SLC24A3: variants seen among roughly 807,000 people sequenced by gnomAD.
SLC24A3 encodes the protein sodium/potassium/calcium exchanger 3.
In SLC24A3, 28 loss-of-function variants were observed where a neutral mutation model predicts 75.8. The observed-to-expected ratio is 0.37, with a 90% confidence interval of 0.27 to 0.51. The LOEUF (loss-of-function observed/expected upper bound fraction) is 0.51. Ranked by LOEUF, SLC24A3 falls within the 20% of genes least tolerant of loss-of-function variation. SLC24A3 has a pLI of 0.94. For missense variants in SLC24A3, 663 were observed against 847.8 expected (o/e 0.78, Z 2.71); for synonymous variants, 372 against 334.1 (o/e 1.11, Z -1.24).
At chr20:19,273,445 C>A (rs1474013449) in intron 1 of SLC24A3, among the ~76,000 whole-genome samples, 2 of 152,192 alleles carry the variant, frequency 1.3e-5, no homozygotes, top group Non-Finnish European at 2.9e-5. Flanking sequence ...ATCAGGACTT[C>A]TGCTTTCTCT....
chr20:19,709,813 T>A (rs1445454814), intron 15 of SLC24A3, among the ~76,000 whole-genome samples: 2 of 152,164 alleles, frequency 1.3e-5, no homozygotes, highest in East Asian at 3.9e-4. Context: ...ACTAAGTGGT[T>A]TAACCTCTCT....
chr20:19,592,294 C>T (rs1476519965), intron 6 of SLC24A3, among the ~76,000 whole-genome samples: 1 of 152,160 alleles, frequency 6.6e-6, no homozygotes, highest in African/African-American at 2.4e-5. Flanking sequence ...ATTTGTTAGT[C>T]AGGGGTTTTG....
At chr20:19,293,955 C>T (rs1488614486) in intron 2 of SLC24A3, among the ~76,000 whole-genome samples, 5 of 152,106 alleles carry the variant, frequency 3.3e-5, no homozygotes, top group African/African-American at 4.8e-5. Flanking sequence ...ATGCATGGGT[C>T]CTCAAGTCCC....
At chr20:19,518,030 A>G (rs554963433) in intron 3 of SLC24A3, among the ~76,000 whole-genome samples, 1 of 152,216 alleles carries the variant, frequency 6.6e-6, no homozygotes, top group African/African-American at 2.4e-5. Flanking sequence ...GAATGCCTGG[A>G]GTTGGACAGT....
chr20:19,347,772 T>G (rs1985461001), intron 2 of SLC24A3, among the ~76,000 whole-genome samples: 1 of 152,184 alleles, frequency 6.6e-6, no homozygotes, highest in Non-Finnish European at 1.5e-5. Context: ...GGCTGGTCAC[T>G]CTGTGTTTGA....
rs1985155284 is a variant in SLC24A3 at position 19,337,191 on chromosome 20, T to C, written c.271+56104T>C. Among the ~76,000 whole-genome samples, 3 of 152,204 alleles carry C rather than the reference T, an allele frequency of 2.0e-5. No individual in the cohort carries two copies. In the South Asian group the frequency reaches 6.2e-4, roughly 31 times the overall value. On this transcript the variant is annotated intron_variant, in intron 2 of 16. Coordinates refer to ENST00000328041, the MANE Select transcript of SLC24A3 (RefSeq NM_020689.4). The stretch of plus-strand genomic sequence containing the variant: ...CGAGCGCAGTGGCTCACGCCTGTAA[T>C]CCCAGCACTTTGGGAGGCTGAGGCG...
chr20:19,522,234 A>G (rs592780), intron 3 of SLC24A3, among the ~76,000 whole-genome samples: 22,897 of 152,082 alleles, frequency 0.15, 2,051 homozygotes, highest in East Asian at 0.32. Flanking sequence ...TATGTCATCA[A>G]CTTGAAATCA....
intron 6 of SLC24A3, among the ~76,000 whole-genome samples, chr20:19,604,665 T>C (rs560688557): frequency 6.6e-6 from 1 of 152,292 alleles, no homozygotes; most frequent in Non-Finnish European, 1.5e-5. Flanking sequence ...CTTATTGTCA[T>C]GGACCAAGCA....
chr20:19,666,629 C>G (rs1354013366), intron 8 of SLC24A3, among the ~76,000 whole-genome samples: 2 of 152,106 alleles, frequency 1.3e-5, no homozygotes, highest in Non-Finnish European at 2.9e-5. Flanking sequence ...CCCTGACTTT[C>G]AAAAGATCTT....
At chr20:19,279,650 C>T (rs1384082760) in intron 1 of SLC24A3, among the ~76,000 whole-genome samples, 2 of 152,144 alleles carry the variant, frequency 1.3e-5, no homozygotes, top group East Asian at 3.9e-4. Context: ...TCCCTGGTGC[C>T]CCCTCTTCTC....
intron 1 of SLC24A3, among the ~76,000 whole-genome samples, chr20:19,247,588 C>T (rs1237125730): frequency 2.0e-5 from 3 of 152,094 alleles, no homozygotes; most frequent in South Asian, 2.1e-4. Context: ...CCAACAATCC[C>T]GCGTAGATGA....
At chr20:19,590,879 G>A (rs1433730984) in intron 6 of SLC24A3, among the ~76,000 whole-genome samples, 3 of 152,200 alleles carry the variant, frequency 2.0e-5, no homozygotes, top group Admixed American at 6.5e-5. Flanking sequence ...CTCTCATCAC[G>A]TTCTAGACCA....
At chr20:19,508,658 G>A (rs1988494378) in intron 2 of SLC24A3, among the ~76,000 whole-genome samples, 1 of 152,232 alleles carries the variant, frequency 6.6e-6, no homozygotes, top group African/African-American at 2.4e-5. Flanking sequence ...GGTCCCTGTG[G>A]TTTCCATGGG....
In SLC24A3 at chr20:19,685,348, AT is replaced by A; in HGVS notation, c.1313del (p.Phe438SerfsTer11). ...EDDDEGPYTP[F>X]DTPSGKLETV... The stretch of plus-strand genomic sequence containing the variant: ...ATGATGATGAAGGACCGTACACACC[AT>A]TCGACACCCCCTGTAAGAGGTTCTA... On this transcript the variant is annotated frameshift_variant, in exon 12 of 17. Transcript: ENST00000328041. LOFTEE classifies it high-confidence loss of function. 1 of 1,613,968 alleles carries A rather than the reference AT, an allele frequency of 6.2e-7. No homozygotes were observed. The highest frequency in any genetic ancestry group is 8.5e-7 in the Non-Finnish European group (1 of 1,179,870).
chr20:19,549,555 G>A (rs921528697), intron 3 of SLC24A3, among the ~76,000 whole-genome samples: 26 of 152,168 alleles, frequency 1.7e-4, no homozygotes, highest in Admixed American at 2.6e-4. Context: ...AGGCCAAGGC[G>A]GGCGGATCAC....
At chr20:19,642,254 T>G (rs929631887) in intron 6 of SLC24A3, among the ~76,000 whole-genome samples, 4 of 152,218 alleles carry the variant, frequency 2.6e-5, no homozygotes, top group African/African-American at 4.8e-5. Context: ...GAGATAAGAT[T>G]CTATAGCTAT....
At chr20:19,372,812 C>T (rs996503500) in intron 2 of SLC24A3, among the ~76,000 whole-genome samples, 6 of 152,008 alleles carry the variant, frequency 3.9e-5, no homozygotes, top group African/African-American at 1.5e-4. Context: ...CACCACTGAG[C>T]AAAGGACACC....
intron 2 of SLC24A3, among the ~76,000 whole-genome samples, chr20:19,344,227 CT>C (rs1023793339): frequency 3.0e-4 from 46 of 152,232 alleles, no homozygotes; most frequent in African/African-American, 8.7e-4. Context: ...TCTTACTTTC[CT>C]TGATTTTTTA....
At chr20:19,230,055 A>G (rs1043549129) in intron 1 of SLC24A3, among the ~76,000 whole-genome samples, 4 of 136,346 alleles carry the variant, frequency 2.9e-5, no homozygotes, top group Non-Finnish European at 4.6e-5. Context: ...TCTTCTTCCC[A>G]TAATAGATTT....
Sources: gnomAD v4.1 joint callset for allele counts (sites outside exome capture counted in the v4.1 genomes callset) on GRCh38, gnomAD v4.1.1 for gene constraint, MANE v1.5 for transcripts, NCBI Gene and HGNC (gene_info 2026-07-23, HGNC 2026-07-21) for gene names.